SDCCAG8: variants seen among roughly 807,000 people sequenced by gnomAD.
SDCCAG8 encodes the protein serologically defined colon cancer antigen 8.
A neutral mutation model predicts 101.8 loss-of-function variants in SDCCAG8; 74 were observed. That is an observed-to-expected ratio of 0.73 (90% CI 0.60 to 0.88). SDCCAG8 has a LOEUF of 0.88. Ranked by LOEUF, SDCCAG8 falls within the 40% of genes least tolerant of loss-of-function variation. The pLI is 0.00. For missense variants in SDCCAG8, 787 were observed against 822.6 expected, an observed-to-expected ratio of 0.96 and a Z score of 0.53; for synonymous variants, 281 against 292.9, an observed-to-expected ratio of 0.96 and a Z score of 0.41.
At chr1:243,309,693 G>C (rs1421965144) in intron 8 of SDCCAG8, among the ~76,000 whole-genome samples, 1 of 152,050 alleles carries the variant, frequency 6.6e-6, no homozygotes, top group Non-Finnish European at 1.5e-5. Flanking sequence ...GGTAGAGATG[G>C]GGTCTCACTA....
intron 16 of SDCCAG8, among the ~76,000 whole-genome samples, chr1:243,473,045 T>C (rs1661560845): frequency 6.6e-6 from 1 of 151,576 alleles, no homozygotes; most frequent in Non-Finnish European, 1.5e-5. Flanking sequence ...ACATGTTAAG[T>C]GCTAGGATAT....
At chr1:243,363,332 G>A (rs577578799) in intron 12 of SDCCAG8, among the ~76,000 whole-genome samples, 3 of 152,324 alleles carry the variant, frequency 2.0e-5, no homozygotes, top group South Asian at 2.1e-4. Flanking sequence ...TAAGTAGCTT[G>A]CCTAGATACC....
At chr1:243,321,475 T>C (rs1430796473) in intron 9 of SDCCAG8, among the ~76,000 whole-genome samples, 3 of 152,120 alleles carry the variant, frequency 2.0e-5, no homozygotes, top group African/African-American at 4.8e-5. Flanking sequence ...AATGAGAGCA[T>C]ATGGTGTTTG....
intron 12 of SDCCAG8, among the ~76,000 whole-genome samples, chr1:243,363,274 A>G (rs1000822929): frequency 2.0e-5 from 3 of 152,214 alleles, no homozygotes; most frequent in Non-Finnish European, 1.5e-5. Context: ...TGCCTTCTTC[A>G]AAATAATTCT....
At chr1:243,372,922 ATATCTATATC>A (rs2077377567) in intron 12 of SDCCAG8, among the ~76,000 whole-genome samples, 1 of 145,488 alleles carries the variant, frequency 6.9e-6, no homozygotes, top group African/African-American at 2.6e-5. Context: ...ATCTATATCT[ATATCTATATC>A]TATATCTATA....
chr1:243,256,095 C>A lies in SDCCAG8; in HGVS notation c.-79C>A. On this transcript the variant is annotated 5_prime_UTR_variant, in exon 1 of 18. Transcript: ENST00000366541. Reference sequence around the variant, plus strand: ...AGGAAGCAGGCGGGCGCTCCCCGGCCACAGGCCTGTTGTTCTCGGAAGGGA... The same window carrying A: ...AGGAAGCAGGCGGGCGCTCCCCGGCAACAGGCCTGTTGTTCTCGGAAGGGA... The A allele has an allele frequency of 1.4e-6, 2 of 1,398,452 alleles. No individual in the cohort carries two copies. Among genetic ancestry groups the A allele is most frequent in the South Asian group, 1.2e-5 (1 of 86,728 alleles). 86.6% of individuals were successfully genotyped at this position (1,398,452 alleles called of 1,614,324 possible). A position where few individuals can be genotyped will look rare whatever the true frequency, so the allele number is the denominator to read the frequency against.
At chr1:243,355,148 T>C (rs571798792) in intron 12 of SDCCAG8, among the ~76,000 whole-genome samples, 1 of 152,362 alleles carries the variant, frequency 6.6e-6, no homozygotes, top group Admixed American at 6.5e-5. Flanking sequence ...CATCTGTACT[T>C]AAGTGGATTT....
intron 9 of SDCCAG8, among the ~76,000 whole-genome samples, chr1:243,328,829 T>C (rs186082397): frequency 3.3e-5 from 5 of 152,348 alleles, no homozygotes; most frequent in Admixed American, 2.6e-4. Flanking sequence ...CTGAGTTCTT[T>C]GAATTGATTC....
chr1:243,350,515 G>T lies in SDCCAG8; in HGVS notation c.1473+6184G>T, dbSNP rs530424815. On this transcript the variant is annotated intron_variant, in intron 12 of 17. Coordinates refer to ENST00000366541, the MANE Select transcript of SDCCAG8 (RefSeq NM_006642.5). Reference sequence around the variant, plus strand: ...TTACAGACGTGAGCCACTGCGCCCGGCCTATGTCAGTCCTTTTTAAAGTTA... The same window carrying T: ...TTACAGACGTGAGCCACTGCGCCCGTCCTATGTCAGTCCTTTTTAAAGTTA... 1.0e-3 allele frequency among the ~76,000 whole-genome samples: 152 copies of T among 152,254 alleles called. 1 individual carries two copies. The highest frequency in any genetic ancestry group is 1.8e-3 in the Non-Finnish European group (120 of 68,018).
At chr1:243,399,514 T>A (rs2079235614) in intron 13 of SDCCAG8, among the ~76,000 whole-genome samples, 1 of 152,028 alleles carries the variant, frequency 6.6e-6, no homozygotes, top group South Asian at 2.1e-4. Flanking sequence ...ATTTATTTAT[T>A]TATTTATTTA....
chr1:243,488,863 T>C, intron 16 of SDCCAG8, 151 bp from the exon 17 acceptor site: 1 of 1,022,596 alleles, frequency 9.8e-7, no homozygotes, highest in Non-Finnish European at 1.5e-6. Context: ...ACCAAGGACC[T>C]AGTGCCAGCC....
At chr1:243,358,995 C>G (rs1473893342) in intron 12 of SDCCAG8, among the ~76,000 whole-genome samples, 2 of 152,138 alleles carry the variant, frequency 1.3e-5, no homozygotes, top group Non-Finnish European at 2.9e-5. Flanking sequence ...CATGGAGTTT[C>G]TTTTGGGGTG....
intron 17 of SDCCAG8, among the ~76,000 whole-genome samples, chr1:243,498,668 A>T (rs924053947): frequency 6.6e-6 from 1 of 152,226 alleles, no homozygotes; most frequent in African/African-American, 2.4e-5. Flanking sequence ...TGATGTTCAT[A>T]TATTTCTCTT....
Position 243,473,477 on chromosome 1 carries a change from G to A in SDCCAG8, c.1986-15537G>A, listed in dbSNP as rs183437472. On this transcript the variant is annotated intron_variant, in intron 16 of 17. Coordinates refer to ENST00000366541, the MANE Select transcript of SDCCAG8 (RefSeq NM_006642.5). The stretch of plus-strand genomic sequence containing the variant: ...TTTAATTCTGAGCTGCATGCCCAGC[G>A]CCACATGCACTGTCTGTTACATGTC... Among the ~76,000 whole-genome samples the A allele has an allele frequency of 2.0e-5, 3 of 152,268 alleles. No individual in the cohort carries two copies. In the East Asian group the frequency reaches 5.8e-4, roughly 29 times the overall value.
chr1:243,257,913 C>T (rs1303040753), intron 1 of SDCCAG8, among the ~76,000 whole-genome samples: 2 of 152,092 alleles, frequency 1.3e-5, no homozygotes, highest in African/African-American at 2.4e-5. Context: ...TGCTTCTCTT[C>T]CTTTGACCTT....
intron 5 of SDCCAG8, 56 bp downstream of exon 5, chr1:243,286,453 C>G (rs1558236064): frequency 1.9e-6 from 3 of 1,581,912 alleles, no homozygotes; most frequent in South Asian, 2.2e-5. Context: ...CCCTTCTGCC[C>G]TCTCTCCTCG....
chr1:243,355,441 G>T (rs1057496260), intron 12 of SDCCAG8, among the ~76,000 whole-genome samples: 1 of 152,098 alleles, frequency 6.6e-6, no homozygotes, highest in East Asian at 1.9e-4. Flanking sequence ...ATTAAAGTGC[G>T]AGGGGACGCT....
chr1:243,310,566 T>TA (rs1337400188), intron 8 of SDCCAG8, among the ~76,000 whole-genome samples: 1 of 152,066 alleles, frequency 6.6e-6, no homozygotes, highest in Non-Finnish European at 1.5e-5. Context: ...ATATAAAAAA[T>TA]ATCTTATAAT....
chr1:243,293,203 G>C lies in SDCCAG8; in HGVS notation c.659G>C (p.Gly220Ala). The C allele has an allele frequency of 1.9e-6, 3 of 1,614,116 alleles. No individual in the cohort carries two copies. Among genetic ancestry groups the C allele is most frequent in the Non-Finnish European group, 2.5e-6 (3 of 1,179,994 alleles). Residue 220 changes from glycine (G) to alanine (A), a missense_variant, in exon 6 of 18, where the codon GGT becomes GCT. Transcript: ENST00000366541. ...GATTTTGGCAAAGCTGCATCTGCTGGTGAGCAGCTAGAACTGGTGAGTATT... is the reference window on the plus strand; with the variant it reads ...GATTTTGGCAAAGCTGCATCTGCTGCTGAGCAGCTAGAACTGGTGAGTATT... ...NADFGKAASA[G>A]EQLELEKLKL...
Sources: allele counts gnomAD v4.1 joint callset (sites outside exome capture counted in the v4.1 genomes callset), GRCh38; gene constraint gnomAD v4.1.1; transcripts MANE v1.5; gene names NCBI Gene and HGNC (gene_info 2026-07-23, HGNC 2026-07-21).